NUBPL: variants seen among roughly 807,000 people sequenced by gnomAD.
NUBPL encodes the protein NUBP iron-sulfur cluster assembly factor, mitochondrial.
Under a neutral mutation model 45.7 loss-of-function variants are expected in NUBPL, and 31 were observed. The observed-to-expected ratio is 0.68, with a 90% CI of 0.51 to 0.92. NUBPL has a LOEUF of 0.92. NUBPL is among the 40% of genes least tolerant of loss of function. NUBPL has a pLI of 0.00. For missense variants in NUBPL, 401 were observed against 398.7 expected (o/e 1.01, Z -0.05); for synonymous variants, 144 against 140.9 (o/e 1.02, Z -0.15).
In NUBPL at chr14:31,562,154, T is replaced by A; in HGVS notation, c.195T>A (p.Gly65=). 6.2e-7 allele frequency: 1 copy of A among 1,613,940 alleles called. No homozygotes were observed. The highest frequency in any genetic ancestry group is 8.5e-7 in the Non-Finnish European group (1 of 1,179,892). The change falls in exon 2 of 11, where the codon GGT becomes GGA. Residue 65 remains glycine, a synonymous_variant. Transcript: ENST00000281081. ...RGLPKQKPIE[G]VKQVIVVASG... ...TTCCAAAGCAGAAACCGATAGAAGG[T>A]GTTAAACAAGTTATAGTTGTGGCTT...
intron 7 of NUBPL, among the ~76,000 whole-genome samples, chr14:31,810,131 G>T (rs1478385618): frequency 6.6e-6 from 1 of 152,134 alleles, no homozygotes; most frequent in African/African-American, 2.4e-5. Flanking sequence ...TGTCTATTAG[G>T]TCCTCTTGGT....
At chr14:31,788,741 A>G (rs1230744998) in intron 7 of NUBPL, among the ~76,000 whole-genome samples, 3 of 152,144 alleles carry the variant, frequency 2.0e-5, no homozygotes, top group African/African-American at 7.2e-5. Context: ...CTTTCTGCAT[A>G]GGTATTTCCC....
At position 31,846,569 on chromosome 14, in the gene NUBPL, G is replaced by T; in HGVS notation, c.792G>T (p.Gln264His). ...FGADGARKLA[Q>H]TLGLEVLGDI... is the part of the protein sequence containing the mutation. ...CTGATGGTGCAAGGAAACTAGCACA[G>T]ACCCTTGGTCTTGAAGTTCTAGGTA... Residue 264 changes from glutamine (Q) to histidine (H), a missense_variant, in exon 9 of 11, where the codon CAG (glutamine) becomes CAT (histidine). Transcript: ENST00000281081. The T allele has an allele frequency of 6.2e-7, 1 of 1,613,634 alleles. No individual in the cohort carries two copies. Among genetic ancestry groups the T allele is most frequent in the South Asian group, 1.1e-5 (1 of 90,954 alleles).
chr14:31,813,464 CACAT>C (rs773896191), intron 7 of NUBPL, among the ~76,000 whole-genome samples: 23 of 82,116 alleles, frequency 2.8e-4, no homozygotes, highest in Middle Eastern at 6.3e-3. Flanking sequence ...CACACACACA[CACAT>C]ACATACATAT....
intron 9 of NUBPL, among the ~76,000 whole-genome samples, chr14:31,848,746 G>T (rs1025971773): frequency 3.3e-5 from 5 of 151,970 alleles, no homozygotes; most frequent in Non-Finnish European, 7.4e-5. Context: ...TCCCCTTCTT[G>T]GTCTAATCTT....
intron 6 of NUBPL, among the ~76,000 whole-genome samples, chr14:31,705,145 C>T (rs1030165761): frequency 9.9e-5 from 15 of 151,488 alleles, no homozygotes; most frequent in East Asian, 1.9e-4. Flanking sequence ...ATAAAGGTGG[C>T]GCGTCCGGAG....
intron 4 of NUBPL, among the ~76,000 whole-genome samples, chr14:31,657,039 G>T (rs768553858): frequency 2.0e-5 from 3 of 152,186 alleles, no homozygotes; most frequent in Non-Finnish European, 4.4e-5. Context: ...TTTTTATGCA[G>T]TCTTTTTTAG....
At chr14:31,724,741 G>C (rs1399343790) in intron 6 of NUBPL, among the ~76,000 whole-genome samples, 1 of 152,170 alleles carries the variant, frequency 6.6e-6, no homozygotes. Context: ...AAAGACCTTT[G>C]TCTTGTGGAT....
chr14:31,835,026 G>A (rs1264355906), intron 8 of NUBPL, among the ~76,000 whole-genome samples: 2 of 152,264 alleles, frequency 1.3e-5, no homozygotes, highest in South Asian at 2.1e-4. Flanking sequence ...GTAGACAAGT[G>A]AAGCCAGAGG....
intron 6 of NUBPL, among the ~76,000 whole-genome samples, chr14:31,740,627 C>T (rs553013973): frequency 3.3e-5 from 5 of 152,202 alleles, no homozygotes; most frequent in Admixed American, 2.0e-4. Context: ...TTGACAGTGT[C>T]TTATGCAGAG....
At chr14:31,596,361 A>G (rs182966686) in intron 3 of NUBPL, among the ~76,000 whole-genome samples, 17 of 152,334 alleles carry the variant, frequency 1.1e-4, no homozygotes, top group African/African-American at 4.1e-4. Context: ...TGACGCTGAG[A>G]TGACTGGCCT....
chr14:31,699,091 G>A (rs2139886728), intron 6 of NUBPL, among the ~76,000 whole-genome samples: 1 of 152,282 alleles, frequency 6.6e-6, no homozygotes, highest in African/African-American at 2.4e-5. Flanking sequence ...TTGATCTCAA[G>A]GAATCCACCT....
rs139501896 is a variant in NUBPL at position 31,791,217 on chromosome 14, G to A, written c.607+3344G>A. Among the ~76,000 whole-genome samples, 34 of 152,318 alleles carry A rather than the reference G, an allele frequency of 2.2e-4. No homozygotes were observed. In the East Asian group the frequency reaches 6.2e-3, roughly 28 times the overall value. Reference sequence around the variant, plus strand: ...CACTTGAGCCCTGGAGGTCGAGGATGCAGTGAGCTGTGTTCATGCTATTGC... The same window carrying A: ...CACTTGAGCCCTGGAGGTCGAGGATACAGTGAGCTGTGTTCATGCTATTGC... On this transcript the variant is annotated intron_variant, in intron 7 of 10. Coordinates refer to ENST00000281081, the MANE Select transcript of NUBPL (RefSeq NM_025152.3).
At position 31,793,800 on chromosome 14, in the gene NUBPL, G is replaced by A. The variant is rs2039426652; in HGVS notation, c.607+5927G>A. Among the ~76,000 whole-genome samples, 3 of 146,018 alleles carry A rather than the reference G, an allele frequency of 2.1e-5. No homozygotes were observed. The South Asian group carries it at 6.8e-4, about 33-fold the overall frequency. ...AGTCTGACTAGCTATTACTGTTTAT[G>A]TAGAAGGATTTGTGCCCCCTTATCT... On this transcript the variant is annotated intron_variant, in intron 7 of 10. Coordinates refer to ENST00000281081, the MANE Select transcript of NUBPL (RefSeq NM_025152.3).
chr14:31,754,404 AC>A (rs1230435031), intron 6 of NUBPL, among the ~76,000 whole-genome samples: 1 of 152,146 alleles, frequency 6.6e-6, no homozygotes, highest in African/African-American at 2.4e-5. Flanking sequence ...TGTAGGTAAT[AC>A]ATGAAACAGA....
At chr14:31,711,278 A>G (rs1306373264) in intron 6 of NUBPL, among the ~76,000 whole-genome samples, 1 of 152,180 alleles carries the variant, frequency 6.6e-6, no homozygotes, top group African/African-American at 2.4e-5. Flanking sequence ...TCCCAACTCC[A>G]AAGAGTCAGG....
chr14:31,840,575 C>CAAA (rs1179425932), intron 8 of NUBPL, among the ~76,000 whole-genome samples: 49 of 91,032 alleles, frequency 5.4e-4, no homozygotes, highest in African/African-American at 1.9e-3. Context: ...CTCCACATCT[C>CAAA]AAAAAAAAAA....
At chr14:31,800,992 A>G (rs1166536130) in intron 7 of NUBPL, 1 of 152,180 alleles carries the variant, frequency 6.6e-6, no homozygotes, top group Non-Finnish European at 1.5e-5. Flanking sequence ...CCAACCAGAG[A>G]TGGTGACATA....
At chr14:31,757,923 A>T (rs10141902) in intron 6 of NUBPL, among the ~76,000 whole-genome samples, 1 of 151,958 alleles carries the variant, frequency 6.6e-6, no homozygotes, top group South Asian at 2.1e-4. Flanking sequence ...TACCAATTTC[A>T]TTAACACTTT....
Sources: gnomAD v4.1 joint callset for allele counts (sites outside exome capture counted in the v4.1 genomes callset) on GRCh38, gnomAD v4.1.1 for gene constraint, MANE v1.5 for transcripts, NCBI Gene and HGNC (gene_info 2026-07-23, HGNC 2026-07-21) for gene names.